DYNC1LI2: variants seen among roughly 807,000 people sequenced by gnomAD.
The protein encoded by DYNC1LI2 is cytoplasmic dynein 1 light intermediate chain 2.
DYNC1LI2 carries 19 observed loss-of-function variants against 57.8 expected under a neutral mutation model. The ratio of observed to expected loss-of-function variants is 0.33; its 90% CI spans 0.23 to 0.48. The LOEUF (loss-of-function observed/expected upper bound fraction) is 0.48. Among genes scored for constraint, DYNC1LI2 ranks in the 20% least tolerant of loss-of-function variants. The pLI, the probability that DYNC1LI2 is intolerant of heterozygous loss-of-function variation, is 0.99. For synonymous variants in DYNC1LI2, 256 were observed against 233.4 expected (o/e 1.10, Z -0.88); for missense variants, 470 against 604.2 (o/e 0.78, Z 2.33).
chr16:66,732,698 A>G, intron 6 of DYNC1LI2: 1 of 383,150 alleles, frequency 2.6e-6, no homozygotes, highest in Non-Finnish European at 4.6e-6. Flanking sequence ...TCATAGTAGC[A>G]GATGAATGAA....
Position 66,727,822 on chromosome 16 carries a change from C to T in DYNC1LI2, c.1144-17G>A. ...AGGAGATTCCTAAGTCCAAAAGCAGCTAAGGTCACACACAGGCATAACAAT... is the reference window on the plus strand; with the variant it reads ...AGGAGATTCCTAAGTCCAAAAGCAGTTAAGGTCACACACAGGCATAACAAT... On this transcript the variant is annotated splice_polypyrimidine_tract_variant and intron_variant, in intron 10 of 12. Transcript: ENST00000258198. The T allele has an allele frequency of 6.2e-7, 1 of 1,601,144 alleles. No individual in the cohort carries two copies. The highest frequency in any genetic ancestry group is 1.7e-5 in the Admixed American group (1 of 58,248).
At chr16:66,746,657 G>T (rs1482759520) in intron 3 of DYNC1LI2, among the ~76,000 whole-genome samples, 281 of 152,298 alleles carry the variant, frequency 1.8e-3, no homozygotes, top group African/African-American at 6.4e-3. Flanking sequence ...AACAGAAGAG[G>T]CTATAGAGAT....
rs1346815006 is a variant in DYNC1LI2 at position 66,721,333 on chromosome 16, T to A, written c.*2389A>T. On this transcript the variant is annotated 3_prime_UTR_variant, in exon 13 of 13. Transcript: ENST00000258198. ...TATTCAAAGGTGGGCTTTTCTCTGA[T>A]TTTTTTTTTTATTTTAAAGACAAAA... 2 of 147,630 alleles carry A rather than the reference T, an allele frequency of 1.4e-5. No individual in the cohort carries two copies. The highest frequency in any genetic ancestry group is 2.5e-5 in the African/African-American group (1 of 40,262). 9.1% of individuals were successfully genotyped at this position (147,630 alleles called of 1,614,324 possible). A position where few individuals can be genotyped will look rare whatever the true frequency, so the allele number is the denominator to read the frequency against.
chr16:66,744,977 A>C (rs936786527), intron 3 of DYNC1LI2, among the ~76,000 whole-genome samples: 9 of 152,056 alleles, frequency 5.9e-5, no homozygotes, highest in Non-Finnish European at 1.3e-4. Flanking sequence ...CAGTGGTGCA[A>C]GCTCAACTCA....
chr16:66,725,177 TC>T, intron 12 of DYNC1LI2, among the ~76,000 whole-genome samples: 1 of 82,792 alleles, frequency 1.2e-5, no homozygotes, highest in African/African-American at 4.5e-5. Context: ...TCCATCTCTA[TC>T]AAAAAAAAAA....
At chr16:66,729,453 C>T (rs1288162465) in intron 8 of DYNC1LI2, among the ~76,000 whole-genome samples, 1 of 152,126 alleles carries the variant, frequency 6.6e-6, no homozygotes, top group Admixed American at 6.6e-5. Context: ...TTCCCACCAG[C>T]CCTGAGCCAT....
chr16:66,751,426 GACGGTCCGGCCCAGAGGCCGCGCCCCCC>G lies in DYNC1LI2; in HGVS notation c.107+31_107+58del, dbSNP rs1265748087. 5.0e-6 allele frequency: 8 copies of G among 1,587,792 alleles called. No homozygotes were observed. The African/African-American group carries it at 8.4e-5, about 17-fold the overall frequency. On this transcript the variant is annotated intron_variant, in intron 1 of 12. Coordinates refer to ENST00000258198, the MANE Select transcript of DYNC1LI2 (RefSeq NM_006141.3). The surrounding 1 kb of genome is among the most constrained non-coding windows in gnomAD (Gnocchi z 5.2). ...CTCGCGTCGGCCCCTCAGTGTGTCC[GACGGTCCGGCCCAGAGGCCGCGCCCCCC>G]ACGGCCCGGCCCGACCGCCCGCGGC...
At chr16:66,738,241 C>CTTTTTTTTTTTTTTTTTTTTTTTT (rs578021508) in intron 4 of DYNC1LI2, 1 of 94,446 alleles carries the variant, frequency 1.1e-5, no homozygotes, top group Non-Finnish European at 2.0e-5. Flanking sequence ...TCTACAGCTT[C>CTTTTTTTTTTTTTTTTTTTTTTTT]TTTTTTTTTT....
chr16:66,742,664 G>T lies in DYNC1LI2; in HGVS notation c.303C>A (p.His101Gln). The T allele has an allele frequency of 6.2e-7, 1 of 1,613,988 alleles. No homozygotes were observed. The highest frequency in any genetic ancestry group is 1.1e-5 in the South Asian group (1 of 91,064). ...CCAGAATCCACACGTTGCAGCGCGT[G>T]TGATCTGAGAAAACAAGTGAATGAA... ...LSVHDEDRDDHTRCNVWILDG... is the reference protein window; with the variant it reads ...LSVHDEDRDDQTRCNVWILDG... Residue 101 changes from histidine to glutamine, a missense_variant, in exon 4 of 13, where the codon CAC becomes CAA. His to Gln is a conservative substitution (Grantham distance 24). Transcript: ENST00000258198.
chr16:66,732,196 G>A lies in DYNC1LI2; in HGVS notation c.929+143C>T, dbSNP rs186244594. 3.0e-5 allele frequency: 32 copies of A among 1,083,780 alleles called. No individual in the cohort carries two copies. In the East Asian group the frequency reaches 3.0e-4, roughly 10 times the overall value. The allele number at this position is 1,083,780 out of a possible 1,614,324, so 67.1% of individuals were successfully genotyped here. On this transcript the variant is annotated intron_variant, in intron 7 of 12. Transcript: ENST00000258198. ...CCCTCAGGCAGATGCCTCATAATCCGGAAAGGAACAGAGAGAAGGTGCAGT... is the reference window on the plus strand; with the variant it reads ...CCCTCAGGCAGATGCCTCATAATCCAGAAAGGAACAGAGAGAAGGTGCAGT...
chr16:66,728,391 T>C, intron 9 of DYNC1LI2, 149 bp from the exon 10 acceptor site: 1 of 843,574 alleles, frequency 1.2e-6, no homozygotes. Flanking sequence ...CAAAAAATTT[T>C]AATTGAGCCG....
intron 4 of DYNC1LI2, among the ~76,000 whole-genome samples, chr16:66,740,464 C>T (rs1278321131): frequency 6.6e-6 from 1 of 152,192 alleles, no homozygotes; most frequent in Non-Finnish European, 1.5e-5. Flanking sequence ...AAAGACGTGG[C>T]TACCATTCCA....
chr16:66,742,309 A>C (rs2017854586), intron 4 of DYNC1LI2, 129 bp downstream of exon 4: 1 of 899,196 alleles, frequency 1.1e-6, no homozygotes, highest in South Asian at 1.8e-5. Flanking sequence ...AGGAACTCTG[A>C]AATAAATGGT....
At chr16:66,734,434 CATTA>C in intron 5 of DYNC1LI2, 123 bp from the exon 6 acceptor site, 2 of 881,126 alleles carry the variant, frequency 2.3e-6, no homozygotes. Context: ...AGGGTCCAAG[CATTA>C]ATTAGAGAAG....
chr16:66,750,003 G>A lies in DYNC1LI2; in HGVS notation c.182-690C>T, dbSNP rs146540008. On this transcript the variant is annotated intron_variant, in intron 2 of 12. Transcript: ENST00000258198. ...AGGCACTTCTGCCATTTAATAATAT[G>A]GAATTACAGAACATGAGAATTGAAA... 6.0e-3 allele frequency among the ~76,000 whole-genome samples: 921 copies of A among 152,258 alleles called. 4 individuals are homozygous for A. The highest frequency in any genetic ancestry group is 0.021 in the African/African-American group (853 of 41,532).
chr16:66,725,966 A>T, intron 11 of DYNC1LI2, 22 bp from the exon 12 acceptor site: 2 of 1,604,644 alleles, frequency 1.2e-6, no homozygotes, highest in Non-Finnish European at 1.7e-6. Flanking sequence ...TAAAGAGAAA[A>T]AAAAGCATCA....
At position 66,749,284 on chromosome 16, in the gene DYNC1LI2, T is replaced by C. The variant is rs577024535; in HGVS notation, c.211A>G (p.Met71Val). ...GEDGSGKTTL[M>V]TKLQGAEHGK... ...TGCTCAGCTCCTTGTAGTTTAGTCA[T>C]GAGGGTTGTTTTACCAGAACCATCT... Residue 71 changes from methionine (M) to valine (V), a missense_variant, in exon 3 of 13, where the codon ATG (methionine) becomes GTG (valine). Met to Val is a conservative substitution (Grantham distance 21, BLOSUM62 1). Coordinates refer to ENST00000258198, the MANE Select transcript of DYNC1LI2 (RefSeq NM_006141.3). 136 of 1,614,212 alleles carry C rather than the reference T, an allele frequency of 8.4e-5. No homozygotes were observed. Among genetic ancestry groups the C allele is most frequent in the African/African-American group, 2.7e-4 (20 of 75,056 alleles).
chr16:66,749,375 T>A (rs1476335980), intron 2 of DYNC1LI2, 62 bp from the exon 3 acceptor site: 5 of 1,475,624 alleles, frequency 3.4e-6, no homozygotes, highest in African/African-American at 1.4e-5. Context: ...TGGGGAGGCA[T>A]GACACTCACA....
At chr16:66,732,557 G>A (rs1460329775) in intron 6 of DYNC1LI2, 83 bp from the exon 7 acceptor site, 1 of 1,453,160 alleles carries the variant, frequency 6.9e-7, no homozygotes, top group Non-Finnish European at 9.1e-7. Flanking sequence ...ACTACTCATA[G>A]GTTGATCAGT....
Sources: gnomAD v4.1 joint callset for allele counts (sites outside exome capture counted in the v4.1 genomes callset) on GRCh38, gnomAD v4.1.1 for gene constraint, Gnocchi (gnomAD v3.1) non-coding constraint, MANE v1.5 for transcripts, NCBI Gene and HGNC (gene_info 2026-07-23, HGNC 2026-07-21) for gene names.